The following AKR1B1 variants were observed in gnomAD, a reference collection of about 807,000 sequenced individuals.
AKR1B1 encodes the protein aldo-keto reductase family 1 member B.
A neutral mutation model predicts 40.4 loss-of-function variants in AKR1B1; 22 were observed. That is an observed-to-expected ratio of 0.54 (90% CI 0.39 to 0.78). The LOEUF is 0.78. AKR1B1 is among the 30% of genes least tolerant of loss of function. The pLI, the probability that AKR1B1 is intolerant of heterozygous loss-of-function variation, is 0.00. For synonymous variants in AKR1B1, 157 were observed against 149.9 expected, an observed-to-expected ratio of 1.05 and a Z score of -0.35; for missense variants, 357 against 396.7, an observed-to-expected ratio of 0.90 and a Z score of 0.85.
chr7:134,448,213 GAGT>G, intron 6 of AKR1B1, 152 bp from the exon 7 acceptor site: 1 of 918,474 alleles, frequency 1.1e-6, no homozygotes, highest in Non-Finnish European at 1.7e-6. Context: ...TTTGGAAAAA[GAGT>G]AGGTGTCTTG....
intron 1 of AKR1B1, among the ~76,000 whole-genome samples, chr7:134,454,083 A>G (rs1806388149): frequency 6.6e-6 from 1 of 152,238 alleles, no homozygotes; most frequent in Non-Finnish European, 1.5e-5. Flanking sequence ...ATTACTGATG[A>G]GAGCTGTAGA....
chr7:134,443,568 G>A (rs1003232087), intron 9 of AKR1B1, among the ~76,000 whole-genome samples: 1 of 151,208 alleles, frequency 6.6e-6, no homozygotes, highest in African/African-American at 2.4e-5. Context: ...TTGGAAACAG[G>A]GCAGGGAGCA....
intron 8 of AKR1B1, among the ~76,000 whole-genome samples, chr7:134,446,686 C>T (rs1359859146): frequency 1.3e-5 from 2 of 152,092 alleles, no homozygotes; most frequent in Non-Finnish European, 2.9e-5. Context: ...CTGAGCGCTT[C>T]GCCAGAGTCC....
In AKR1B1 at chr7:134,451,674, TACACATGGGC is replaced by T; in HGVS notation, c.136_145del (p.Ala46ThrfsTer20). ...CACCCCCACCTCATTCTCATTCTGG[TACACATGGGC>T]ACAGTCGATGTGGCGGTACCCGACG... On this transcript the variant is annotated frameshift_variant, in exon 2 of 10. Transcript: ENST00000285930. LOFTEE classifies it high-confidence loss of function. 6.2e-7 allele frequency: 1 copy of T among 1,614,152 alleles called. No individual in the cohort carries two copies. Among genetic ancestry groups the T allele is most frequent in the Non-Finnish European group, 8.5e-7 (1 of 1,180,030 alleles).
chr7:134,453,928 A>G (rs867996833), intron 1 of AKR1B1, among the ~76,000 whole-genome samples: 1 of 152,206 alleles, frequency 6.6e-6, no homozygotes, highest in East Asian at 1.9e-4. Flanking sequence ...ACCATTCACT[A>G]AACTTGGGAA....
At chr7:134,449,603 A>T in intron 4 of AKR1B1, 117 bp downstream of exon 4, 1 of 861,418 alleles carries the variant, frequency 1.2e-6, no homozygotes, top group Non-Finnish European at 1.9e-6. Flanking sequence ...AAAAAAAGAG[A>T]GAGCAAACAA....
At chr7:134,456,435 A>G (rs1376765327) in intron 1 of AKR1B1, among the ~76,000 whole-genome samples, 2 of 151,708 alleles carry the variant, frequency 1.3e-5, no homozygotes, top group Admixed American at 6.6e-5. Context: ...TTCTGACCTC[A>G]TGATCTGCCC....
chr7:134,451,919 G>C (rs934839079), intron 1 of AKR1B1, 166 bp from the exon 2 acceptor site: 1 of 740,200 alleles, frequency 1.4e-6, no homozygotes, highest in Non-Finnish European at 2.3e-6. Context: ...CCTCAGACGC[G>C]GGGGATGGAA....
At chr7:134,454,263 G>C (rs1216526782) in intron 1 of AKR1B1, among the ~76,000 whole-genome samples, 1 of 152,188 alleles carries the variant, frequency 6.6e-6, no homozygotes, top group Non-Finnish European at 1.5e-5. Flanking sequence ...GACTTGAAAT[G>C]CTCTGGGCTG....
chr7:134,447,131 C>T (rs1806122348), intron 8 of AKR1B1, among the ~76,000 whole-genome samples, 167 bp downstream of exon 8: 3 of 152,210 alleles, frequency 2.0e-5, no homozygotes, highest in African/African-American at 4.8e-5. Context: ...CACACGGCTC[C>T]ACTGGTGAGG....
At chr7:134,445,038 T>C (rs762908874) in intron 9 of AKR1B1, 200 bp downstream of exon 9, 34 of 656,236 alleles carry the variant, frequency 5.2e-5, no homozygotes, top group Non-Finnish European at 8.3e-5. Context: ...GAAGAAGATA[T>C]CAAGAGCGGA....
chr7:134,451,621 C>A lies in AKR1B1; in HGVS notation c.199G>T (p.Val67Leu). Reference sequence around the variant, plus strand: ...ATGAAGAGCTCCTCACGCTTCACCACCTGCTCCCTGAGCTTCTCCTGAATG... The same window carrying A: ...ATGAAGAGCTCCTCACGCTTCACCAACTGCTCCCTGAGCTTCTCCTGAATG... ...VAIQEKLREQ[V>L]VKREELFIVS... The change falls in exon 2 of 10, where the codon GTG becomes TTG. Residue 67 changes from valine (V) to leucine (L), a missense_variant. Coordinates refer to ENST00000285930, the MANE Select transcript of AKR1B1 (RefSeq NM_001628.4). The A allele has an allele frequency of 6.2e-7, 1 of 1,614,210 alleles. No homozygotes were observed. The highest frequency in any genetic ancestry group is 8.5e-7 in the Non-Finnish European group (1 of 1,180,040).
Position 134,458,977 on chromosome 7 carries a change from G to T in AKR1B1, c.66+20C>A, listed in dbSNP as rs1274224815. 1 of 1,600,470 alleles carries T rather than the reference G, an allele frequency of 6.2e-7. No individual in the cohort carries two copies. On this transcript the variant is annotated intron_variant, in intron 1 of 9. Transcript: ENST00000285930. ...AGAGTGTGAGGCGAGCCCCGGGCCC[G>T]CGCCCCCACGAGCACCTACCTTCCA...
At chr7:134,453,214 T>G (rs1173456443) in intron 1 of AKR1B1, among the ~76,000 whole-genome samples, 2 of 152,172 alleles carry the variant, frequency 1.3e-5, no homozygotes, top group East Asian at 1.9e-4. Flanking sequence ...GCGCCTTGAT[T>G]GATTTTTCTC....
chr7:134,443,222 C>T (rs1391675396), intron 9 of AKR1B1, among the ~76,000 whole-genome samples: 1 of 152,164 alleles, frequency 6.6e-6, no homozygotes, highest in Admixed American at 6.5e-5. Context: ...CTAGCCTGGG[C>T]AACATAGCAA....
intron 4 of AKR1B1, 169 bp downstream of exon 4, chr7:134,449,551 C>T (rs1806221520): frequency 3.0e-6 from 2 of 662,160 alleles, no homozygotes; most frequent in South Asian, 3.6e-5. Context: ...TGTGCCACTG[C>T]ACTCCAGCCT....
intron 7 of AKR1B1, chr7:134,447,663 C>A: frequency 1.6e-6 from 1 of 613,452 alleles, no homozygotes; most frequent in Non-Finnish European, 2.9e-6. Context: ...ATGCACACTA[C>A]CACTCAGGAG....
At chr7:134,453,286 A>G (rs1053295080) in intron 1 of AKR1B1, among the ~76,000 whole-genome samples, 7 of 152,194 alleles carry the variant, frequency 4.6e-5, no homozygotes, top group African/African-American at 1.7e-4. Flanking sequence ...CTGCCATGCA[A>G]CTGGTGCGGG....
chr7:134,442,667 A>G lies in AKR1B1; in HGVS notation c.*61T>C, dbSNP rs1430438259. 5.1e-6 allele frequency: 8 copies of G among 1,561,658 alleles called. No individual in the cohort carries two copies. Among genetic ancestry groups the G allele is most frequent in the Admixed American group, 1.7e-5 (1 of 59,482 alleles). On this transcript the variant is annotated 3_prime_UTR_variant, in exon 10 of 10. Coordinates refer to ENST00000285930, the MANE Select transcript of AKR1B1 (RefSeq NM_001628.4). ...CACAGGCCATACTACATTTGCAAGG[A>G]AAAAAATGAGGCAAGAAACACAGGT...
Sources: allele counts gnomAD v4.1 joint callset (sites outside exome capture counted in the v4.1 genomes callset), GRCh38; gene constraint gnomAD v4.1.1; transcripts MANE v1.5; gene names NCBI Gene and HGNC (gene_info 2026-07-23, HGNC 2026-07-21).